The following SVOPL variants were observed in gnomAD, a reference collection of about 807,000 sequenced individuals.
SVOPL encodes SVOP like, also known as putative transporter SVOPL.
In SVOPL, 60 loss-of-function variants were observed where a neutral mutation model predicts 61.0. The observed-to-expected ratio is 0.98, with a 90% confidence interval of 0.80 to 1.22. The LOEUF is 1.22. SVOPL is among the 50% of genes most tolerant of loss of function. SVOPL has a pLI of 0.00. For synonymous variants in SVOPL, 279 were observed against 250.0 expected (o/e 1.12, Z -1.09); for missense variants, 662 against 643.9 (o/e 1.03, Z -0.30).
intron 3 of SVOPL, among the ~76,000 whole-genome samples, chr7:138,674,561 T>C (rs1011608321): frequency 6.7e-6 from 1 of 149,550 alleles, no homozygotes; most frequent in African/African-American, 2.4e-5. Flanking sequence ...TTCCCACGAC[T>C]GTAAGACACT....
At chr7:138,651,050 G>A (rs554691755) in intron 7 of SVOPL, among the ~76,000 whole-genome samples, 27 of 151,556 alleles carry the variant, frequency 1.8e-4, no homozygotes, top group Non-Finnish European at 3.1e-4. Context: ...CCTGAGGAGG[G>A]ATTGAGAGCA....
At chr7:138,663,007 T>A in intron 5 of SVOPL, 67 bp downstream of exon 5, 1 of 1,609,226 alleles carries the variant, frequency 6.2e-7, no homozygotes, top group South Asian at 1.1e-5. Flanking sequence ...AGAGAAACAG[T>A]GATAAGGTTG....
In SVOPL at chr7:138,621,144, A is replaced by G; in HGVS notation, c.1264-9T>C. The G allele has an allele frequency of 6.2e-7, 1 of 1,611,360 alleles. No homozygotes were observed. The highest frequency in any genetic ancestry group is 1.7e-5 in the Admixed American group (1 of 59,572). ...ATCGTGGTGGGGTAGACCTGCAGGGAGAGGCACGGAAAGTACCAGTCAGAT... is the reference window on the plus strand; with the variant it reads ...ATCGTGGTGGGGTAGACCTGCAGGGGGAGGCACGGAAAGTACCAGTCAGAT... On this transcript the variant is annotated splice_polypyrimidine_tract_variant and intron_variant, in intron 13 of 15. Coordinates refer to ENST00000674285, the MANE Select transcript of SVOPL (RefSeq NM_001139456.2).
chr7:138,678,345 A>G (rs539594047), intron 3 of SVOPL, 89 bp downstream of exon 3: 12 of 1,389,024 alleles, frequency 8.6e-6, no homozygotes, highest in African/African-American at 8.6e-5. Context: ...GTCACAGGCC[A>G]TGGTCACTCA....
chr7:138,644,632 C>G, intron 9 of SVOPL, 85 bp downstream of exon 9: 1 of 1,530,932 alleles, frequency 6.5e-7, no homozygotes, highest in South Asian at 1.2e-5. Flanking sequence ...GAACAAGGGT[C>G]CCCCCTCCCT....
At position 138,595,468 on chromosome 7, in the gene SVOPL, T is replaced by G. The variant is rs188288559; in HGVS notation, c.1468-847A>C. Reference sequence around the variant, plus strand: ...ATTTCCCCATAGTGCTAAAACCAAGTCCCAGTCAACAGAAGAGGAAAAGCC... The same window carrying G: ...ATTTCCCCATAGTGCTAAAACCAAGGCCCAGTCAACAGAAGAGGAAAAGCC... On this transcript the variant is annotated intron_variant, in intron 15 of 15. Coordinates refer to ENST00000674285, the MANE Select transcript of SVOPL (RefSeq NM_001139456.2). 3.9e-5 allele frequency among the ~76,000 whole-genome samples: 6 copies of G among 152,256 alleles called. No homozygotes were observed. In the East Asian group the frequency reaches 1.2e-3, roughly 29 times the overall value.
chr7:138,598,374 A>G (rs1335299050), intron 14 of SVOPL, among the ~76,000 whole-genome samples: 4 of 152,244 alleles, frequency 2.6e-5, no homozygotes, highest in African/African-American at 9.6e-5. Flanking sequence ...ATAGACATCC[A>G]CAAATAGTTG....
chr7:138,648,693 G>T (rs1300294825), intron 8 of SVOPL, among the ~76,000 whole-genome samples: 1 of 151,278 alleles, frequency 6.6e-6, no homozygotes, highest in Non-Finnish European at 1.5e-5. Context: ...GGGGGACGCT[G>T]CACTCCAGCG....
At chr7:138,656,760 T>A (rs1801755919) in intron 6 of SVOPL, among the ~76,000 whole-genome samples, 2 of 152,148 alleles carry the variant, frequency 1.3e-5, no homozygotes, top group African/African-American at 2.4e-5. Context: ...AATATAAGCC[T>A]GGCCAGGTGT....
intron 14 of SVOPL, among the ~76,000 whole-genome samples, chr7:138,618,426 G>A (rs1355798241): frequency 2.6e-5 from 4 of 151,912 alleles, no homozygotes; most frequent in East Asian, 1.9e-4. Flanking sequence ...TTTGGGAGGC[G>A]AGGCGGGCCG....
At chr7:138,676,899 CTTTTTTTTTTTTT>C (rs1191279496) in intron 3 of SVOPL, among the ~76,000 whole-genome samples, 2 of 112,820 alleles carry the variant, frequency 1.8e-5, no homozygotes, top group African/African-American at 3.8e-5. Context: ...CTTGGGGTTC[CTTTTTTTTTTTTT>C]TTTTTTTTTG....
At chr7:138,620,124 GT>G (rs68156955) in intron 14 of SVOPL, among the ~76,000 whole-genome samples, 11,203 of 114,266 alleles carry the variant, frequency 0.098, 361 homozygotes, top group South Asian at 0.22. Flanking sequence ...TTTCTGTTTT[GT>G]TTTTTTTTTT....
intron 9 of SVOPL, among the ~76,000 whole-genome samples, chr7:138,641,823 T>TC (rs1800808721): frequency 1.4e-5 from 2 of 139,696 alleles, no homozygotes; most frequent in Non-Finnish European, 3.1e-5. Context: ...GTTATATATA[T>TC]ATATATATAT....
intron 14 of SVOPL, among the ~76,000 whole-genome samples, chr7:138,620,123 T>TG (rs1799491592): frequency 8.0e-6 from 1 of 125,102 alleles, no homozygotes; most frequent in South Asian, 2.9e-4. Flanking sequence ...TTTTCTGTTT[T>TG]GTTTTTTTTT....
At chr7:138,646,454 T>C (rs1801116986) in intron 8 of SVOPL, 2 of 175,504 alleles carry the variant, frequency 1.1e-5, no homozygotes. Context: ...GTCATTTTGG[T>C]GACTTACTGG....
chr7:138,610,384 A>G (rs1479207274), intron 14 of SVOPL, among the ~76,000 whole-genome samples: 1 of 152,090 alleles, frequency 6.6e-6, no homozygotes, highest in Non-Finnish European at 1.5e-5. Context: ...CATCACTAAC[A>G]ATGTATATGC....
At chr7:138,621,165 C>T (rs1799549700) in intron 13 of SVOPL, 30 bp from the exon 14 acceptor site, 1 of 1,597,624 alleles carries the variant, frequency 6.3e-7, no homozygotes, top group Non-Finnish European at 8.5e-7. Context: ...AAGTACCAGT[C>T]AGATAATGTC....
At chr7:138,684,826 A>C (rs376197606) in intron 1 of SVOPL, among the ~76,000 whole-genome samples, 1 of 152,238 alleles carries the variant, frequency 6.6e-6, no homozygotes, top group East Asian at 1.9e-4. Context: ...TGTTCACTAC[A>C]GCATTATTCA....
chr7:138,611,846 A>T (rs1372962858), intron 14 of SVOPL, among the ~76,000 whole-genome samples: 19 of 69,772 alleles, frequency 2.7e-4, no homozygotes, highest in South Asian at 6.7e-4. Context: ...GGCCTCCCAA[A>T]GTGCCGAGAT....
Sources: allele counts gnomAD v4.1 joint callset (sites outside exome capture counted in the v4.1 genomes callset), GRCh38; gene constraint gnomAD v4.1.1; transcripts MANE v1.5; gene names NCBI Gene and HGNC (gene_info 2026-07-23, HGNC 2026-07-21).